The following LRP2BP variants were observed in gnomAD, a reference collection of about 807,000 sequenced individuals.
LRP2BP encodes LRP2-binding protein.
A neutral mutation model predicts 45.2 loss-of-function variants in LRP2BP; 38 were observed. That is an observed-to-expected ratio of 0.84 (90% CI 0.65 to 1.10). The LOEUF (loss-of-function observed/expected upper bound fraction) is 1.10. Among genes scored for constraint, LRP2BP ranks in the 50% least tolerant of loss-of-function variants. The probability of loss-of-function intolerance (pLI) is 0.00; values close to 1 mark genes in which losing one functional copy is unlikely to be tolerated. For synonymous variants in LRP2BP, 153 were observed against 153.9 expected (o/e 0.99, Z 0.04); for missense variants, 385 against 418.9 (o/e 0.92, Z 0.71).
rs755696745 is a variant in LRP2BP, at chr4:185,378,207, T to C, written c.-21A>G. ...TTCATCCTTTTTCTGCAATGTGTAT[T>C]CTATAAGCAAGAAGAAAAAATAAGT... On this transcript the variant is annotated splice_region_variant and 5_prime_UTR_variant, in exon 2 of 9. Transcript: ENST00000505916. The C allele has an allele frequency of 6.2e-7, 1 of 1,606,544 alleles. No homozygotes were observed. The highest frequency in any genetic ancestry group is 1.1e-5 in the South Asian group (1 of 89,284).
chr4:185,386,032 G>A lies in LRP2BP; in HGVS notation c.-21-7825C>T, dbSNP rs186530754. On this transcript the variant is annotated intron_variant, in intron 1 of 8. Transcript: ENST00000505916. Reference sequence around the variant, plus strand: ...ACAGATTTCAATTTAGAGCAAGACAGAGAGAAGTTACATTCAGAGAGGAAA... The same window carrying A: ...ACAGATTTCAATTTAGAGCAAGACAAAGAGAAGTTACATTCAGAGAGGAAA... Among the ~76,000 whole-genome samples, 4 of 152,296 alleles carry A rather than the reference G, an allele frequency of 2.6e-5. No homozygotes were observed. In the East Asian group the frequency reaches 7.7e-4, roughly 29 times the overall value.
Position 185,372,920 on chromosome 4 carries a change from C to T in LRP2BP, c.739G>A (p.Gly247Arg), listed in dbSNP as rs148413560. Residue 247 changes from glycine (G) to arginine (R), a missense_variant, in exon 7 of 9, where the codon GGG becomes AGG. Coordinates refer to ENST00000505916, the MANE Select transcript of LRP2BP (RefSeq NM_001377440.1). ...AAERGNVYAQ[G>R]NLVEYYYKMK... ...TTATAGTAATACTCCACGAGATTCCCTTGAGCATAGACGTTTCCGCGTTCT... is the reference window on the plus strand; with the variant it reads ...TTATAGTAATACTCCACGAGATTCCTTTGAGCATAGACGTTTCCGCGTTCT... 1.2e-4 allele frequency: 190 copies of T among 1,613,638 alleles called. No homozygotes were observed. The highest frequency in any genetic ancestry group is 3.3e-4 in the Middle Eastern group (2 of 6,060).
intron 1 of LRP2BP, among the ~76,000 whole-genome samples, chr4:185,383,574 C>T (rs941923227): frequency 1.3e-5 from 2 of 152,300 alleles, no homozygotes; most frequent in South Asian, 2.1e-4. Context: ...ACGGCAGGCC[C>T]GAGGCTGCCA....
At chr4:185,380,414 G>A (rs2095452452) in intron 1 of LRP2BP, among the ~76,000 whole-genome samples, 1 of 152,158 alleles carries the variant, frequency 6.6e-6, no homozygotes, top group Admixed American at 6.5e-5. Context: ...TGGCCCTAGG[G>A]AAAAATCATC....
upstream of LRP2BP, chr4:185,396,702 G>A: frequency 1.7e-6 from 1 of 576,266 alleles, no homozygotes. Context: ...TTGTGTACGT[G>A]CGGCCGTGGC....
chr4:185,382,310 T>C (rs114760808), intron 1 of LRP2BP, among the ~76,000 whole-genome samples: 346 of 152,344 alleles, frequency 2.3e-3, no homozygotes, highest in Non-Finnish European at 3.4e-3. Context: ...CTATTATGAA[T>C]AGTGCTGCAA....
At chr4:185,396,968 A>T (rs776065978), upstream of LRP2BP, 47 of 1,613,142 alleles carry the variant, frequency 2.9e-5, no homozygotes, top group Non-Finnish European at 3.8e-5. Context: ...TCGGGCTCAC[A>T]GAGCCCGAGC....
rs1176308428 is a variant in LRP2BP at position 185,374,135 on chromosome 4, C to T, written c.579G>A (p.Lys193=). 6.2e-7 allele frequency: 1 copy of T among 1,612,542 alleles called. No individual in the cohort carries two copies. Among genetic ancestry groups the T allele is most frequent in the Non-Finnish European group, 8.5e-7 (1 of 1,179,100 alleles). Reference sequence around the variant, plus strand: ...AGCATTAAAAAAGAGGGAACGTTACCTTTTCTAACTCCTTGGGCTCCTTGG... The same window carrying T: ...AGCATTAAAAAAGAGGGAACGTTACTTTTTCTAACTCCTTGGGCTCCTTGG... ...YSTKEPKELE[K]AFYWHSEACG... is the part of the protein sequence containing the mutation. The change falls in exon 6 of 9, where the codon AAG becomes AAA. Residue 193 remains lysine, a splice_region_variant and synonymous_variant. Transcript: ENST00000505916.
chr4:185,380,057 C>T (rs2095451184), intron 1 of LRP2BP, among the ~76,000 whole-genome samples: 1 of 152,160 alleles, frequency 6.6e-6, no homozygotes, highest in Admixed American at 6.5e-5. Context: ...TCCTGGGCTC[C>T]AGCAATCCTC....
chr4:185,392,608 A>G (rs1488950080), intron 1 of LRP2BP, among the ~76,000 whole-genome samples: 1 of 151,784 alleles, frequency 6.6e-6, no homozygotes, highest in African/African-American at 2.4e-5. Context: ...TGTTTAAAAA[A>G]AAAAACTTAA....
In LRP2BP at chr4:185,370,042, A is replaced by T. The variant is rs558902711; in HGVS notation, c.978+598T>A. 1,108 of 175,786 alleles carry T rather than the reference A, an allele frequency of 6.3e-3. 13 individuals carry two copies. Among genetic ancestry groups the T allele is most frequent in the African/African-American group, 0.024 (1,004 of 41,784 alleles). 10.9% of individuals were successfully genotyped at this position (175,786 alleles called of 1,614,324 possible). On this transcript the variant is annotated intron_variant, in intron 8 of 8. Transcript: ENST00000505916. ...ACAGCTTTTTGGTTTTTCTTTTTTT[A>T]AAAAAAATCTAAACTTAAGAGTTAG...
chr4:185,375,961 C>T (rs914920066), intron 3 of LRP2BP, among the ~76,000 whole-genome samples: 1 of 152,000 alleles, frequency 6.6e-6, no homozygotes, highest in African/African-American at 2.4e-5. Flanking sequence ...CCAGGATAGA[C>T]GAAGGTGCCA....
intron 3 of LRP2BP, 33 bp downstream of exon 3, chr4:185,376,876 A>G (rs1430432356): frequency 6.8e-7 from 1 of 1,478,026 alleles, no homozygotes; most frequent in African/African-American, 1.4e-5. Context: ...ACAGAATTAC[A>G]GGAAATGAAA....
chr4:185,374,269 T>C (rs769293372), intron 5 of LRP2BP, 29 bp from the exon 6 acceptor site: 8 of 1,614,054 alleles, frequency 5.0e-6, no homozygotes, highest in Non-Finnish European at 6.8e-6. Flanking sequence ...CATGTTATTC[T>C]CGGTTTCAGC....
Position 185,374,590 on chromosome 4 carries a change from G to C in LRP2BP, c.331-129C>G, listed in dbSNP as rs1317642234. On this transcript the variant is annotated intron_variant, in intron 4 of 8. Transcript: ENST00000505916. ...TATAATACTATGAATCTGTGCCCAA[G>C]GGGTACAATTGTCCTGGATTCTGCA... 8 of 973,208 alleles carry C rather than the reference G, an allele frequency of 8.2e-6. No homozygotes were observed. In the Admixed American group the frequency reaches 1.3e-4, roughly 16 times the overall value. 60.3% of individuals were successfully genotyped at this position (973,208 alleles called of 1,614,324 possible).
intron 8 of LRP2BP, among the ~76,000 whole-genome samples, chr4:185,367,533 A>G (rs1579960182): frequency 6.6e-6 from 1 of 152,248 alleles, no homozygotes; most frequent in African/African-American, 2.4e-5. Flanking sequence ...AATTATTAAA[A>G]TAAGTAAAAT....
intron 1 of LRP2BP, among the ~76,000 whole-genome samples, chr4:185,379,630 CT>C (rs1198968979): frequency 6.6e-6 from 1 of 152,104 alleles, no homozygotes; most frequent in Non-Finnish European, 1.5e-5. Context: ...AAGTATTGAC[CT>C]TTGTTGTAAG....
Position 185,395,674 on chromosome 4 carries a change from C to CT in LRP2BP, c.-918_-917insA. ...CTACCCCTTGGGTAACTAAGTATAACAACATAAACTTGCGATTGCAAATTT... is the reference window on the plus strand; with the variant it reads ...CTACCCCTTGGGTAACTAAGTATAACTAACATAAACTTGCGATTGCAAATTT... On this transcript the variant is annotated 5_prime_UTR_variant, in exon 1 of 9. An upstream open reading frame in the 5' UTR loses its in-frame stop. Transcript: ENST00000505916. The CT allele has an allele frequency of 1.0e-6, 1 of 984,782 alleles. No homozygotes were observed. Among genetic ancestry groups the CT allele is most frequent in the Non-Finnish European group, 1.2e-6 (1 of 829,376 alleles). 61.0% of individuals were successfully genotyped at this position (984,782 alleles called of 1,614,324 possible). A position where few individuals can be genotyped will look rare whatever the true frequency, so the allele number is the denominator to read the frequency against.
chr4:185,378,041 A>G (rs2095443930), intron 2 of LRP2BP, 40 bp downstream of exon 2: 1 of 1,500,304 alleles, frequency 6.7e-7, no homozygotes, highest in Non-Finnish European at 9.2e-7. Flanking sequence ...TGAACTGTTA[A>G]AGTGTTTTCC....
Sources: gnomAD v4.1 joint callset for allele counts (sites outside exome capture counted in the v4.1 genomes callset) on GRCh38, gnomAD v4.1.1 for gene constraint, MANE v1.5 for transcripts, NCBI Gene and HGNC (gene_info 2026-07-23, HGNC 2026-07-21) for gene names.